Variants in CLEC12A observed in about 807,000 individuals in gnomAD.
The protein encoded by CLEC12A is C-type lectin domain family 12 member A, also known as C-type lectin protein CLL-1.
In CLEC12A, 22 loss-of-function variants were observed where a neutral mutation model predicts 26.5. The ratio of observed to expected loss-of-function variants is 0.83; its 90% CI spans 0.59 to 1.19. The LOEUF (loss-of-function observed/expected upper bound fraction) is 1.19, where lower values mean the gene tolerates loss of function less well. CLEC12A is among the 50% of genes most tolerant of loss of function. CLEC12A has a pLI of 0.00. For missense variants in CLEC12A, 353 were observed against 315.6 expected (o/e 1.12, Z -0.90); for synonymous variants, 119 against 101.9 (o/e 1.17, Z -1.01).
At chr12:10,001,670 T>G in the CLEC12A span, among the ~76,000 whole-genome samples, 1 of 152,190 alleles carries the variant, frequency 6.6e-6, no homozygotes, top group African/African-American at 2.4e-5. Context: ...CAGCAAAAAT[T>G]AAGCAGAGAA....
At chr12:9,994,820 CAT>C (rs147536119) in intron 4 of CLEC12A, among the ~76,000 whole-genome samples, 4,319 of 147,502 alleles carry the variant, frequency 0.029, 209 homozygotes, top group African/African-American at 0.098. Context: ...AACACACACA[CAT>C]GTGCATGCGC....
downstream of CLEC12A, chr12:9,998,362 G>A (rs2273987): frequency 0.085 from 137,703 of 1,612,340 alleles, 6,377 homozygotes; most frequent in East Asian, 0.16. Flanking sequence ...ACGCCACCAG[G>A]AGGAGGATGC....
At chr12:9,998,364 G>A, downstream of CLEC12A, 1 of 1,613,838 alleles carries the variant, frequency 6.2e-7, no homozygotes, top group Non-Finnish European at 8.5e-7. Flanking sequence ...GCCACCAGGA[G>A]GAGGATGCAG....
At chr12:9,998,090 T>A (rs1280988848), downstream of CLEC12A, among the ~76,000 whole-genome samples, 1 of 152,200 alleles carries the variant, frequency 6.6e-6, no homozygotes, top group East Asian at 1.9e-4. Context: ...GTTAAAATCT[T>A]AAAATCTTAT....
chr12:9,979,427 G>A lies in CLEC12A; in HGVS notation c.282G>A (p.Met94Ile), dbSNP rs947345737. The A allele has an allele frequency of 1.3e-5, 21 of 1,612,214 alleles. No homozygotes were observed. Among genetic ancestry groups the A allele is most frequent in the Non-Finnish European group, 1.7e-5 (20 of 1,178,908 alleles). Residue 94 changes from methionine to isoleucine, a missense_variant, in exon 3 of 6, where the codon ATG (methionine) becomes ATA (isoleucine). By Grantham distance (10) the Met-to-Ile change is conservative (BLOSUM62 1). Coordinates refer to ENST00000304361, the MANE Select transcript of CLEC12A (RefSeq NM_138337.6). Reference sequence around the variant, plus strand: ...AGAGAAATATTTCTCTACAACTGATGAGTAACATGAATATCTCCAACAAGA... The same window carrying A: ...AGAGAAATATTTCTCTACAACTGATAAGTAACATGAATATCTCCAACAAGA... ...ELQRNISLQL[M>I]SNMNISNKIR...
chr12:9,975,624 C>A (rs758426434), intron 1 of CLEC12A, among the ~76,000 whole-genome samples: 4 of 152,098 alleles, frequency 2.6e-5, no homozygotes, highest in Admixed American at 6.5e-5. Flanking sequence ...AAATTTGTGG[C>A]TTGACAATGA....
chr12:9,984,108 T>C (rs1410121826), intron 5 of CLEC12A: 2 of 236,206 alleles, frequency 8.5e-6, no homozygotes, highest in South Asian at 4.7e-5. Context: ...ATGATATATA[T>C]ATGTGTGTGT....
At chr12:9,980,329 T>C (rs749562535) in intron 3 of CLEC12A, among the ~76,000 whole-genome samples, 2 of 151,400 alleles carry the variant, frequency 1.3e-5, no homozygotes, top group Non-Finnish European at 2.9e-5. Context: ...TCCCAGCTAC[T>C]TGGGTGGCTG....
intron 5 of CLEC12A, chr12:9,984,256 T>C (rs1387496285): frequency 2.0e-5 from 3 of 152,544 alleles, no homozygotes; most frequent in Non-Finnish European, 1.5e-5. Flanking sequence ...TGAACTTATT[T>C]ACTGGTTGAT....
chr12:9,993,223 G>A (rs1263631513), intron 4 of CLEC12A: 12 of 1,612,352 alleles, frequency 7.4e-6, no homozygotes, highest in Non-Finnish European at 9.3e-6. Flanking sequence ...AAGGTAGGGT[G>A]CATTTTCCCA....
At chr12:9,970,653 C>T (rs1324918192), upstream of CLEC12A, among the ~76,000 whole-genome samples, 2 of 144,212 alleles carry the variant, frequency 1.4e-5, no homozygotes, top group East Asian at 4.2e-4. Flanking sequence ...TTCCCTCCCA[C>T]TTTTGATAGC....
chr12:9,992,910 G>T, intron 4 of CLEC12A: 1 of 422,056 alleles, frequency 2.4e-6, no homozygotes, highest in Non-Finnish European at 4.3e-6. Context: ...AGGACAAGAA[G>T]AAAGAAAATT....
At chr12:9,979,192 A>G in intron 2 of CLEC12A, 128 bp downstream of exon 2, 2 of 968,620 alleles carry the variant, frequency 2.1e-6, no homozygotes, top group East Asian at 5.1e-5. Context: ...GAGGACTTAC[A>G]ATGTGGAACT....
At chr12:9,977,073 T>A (rs1172603845) in intron 1 of CLEC12A, among the ~76,000 whole-genome samples, 2 of 152,210 alleles carry the variant, frequency 1.3e-5, no homozygotes, top group Non-Finnish European at 2.9e-5. Flanking sequence ...GAAAATGGAC[T>A]AATACACATG....
At chr12:9,965,127 C>T (rs1222896188) in intron 1 of CLEC12A, among the ~76,000 whole-genome samples, 1 of 152,106 alleles carries the variant, frequency 6.6e-6, no homozygotes, top group Non-Finnish European at 1.5e-5. Context: ...TTTTGGGCCT[C>T]TAAAAGTATT....
At chr12:9,968,742 A>G (rs1453087356), upstream of CLEC12A, among the ~76,000 whole-genome samples, 1 of 152,210 alleles carries the variant, frequency 6.6e-6, no homozygotes, top group Non-Finnish European at 1.5e-5. Context: ...TGTATCACTT[A>G]TGTTTAATAT....
chr12:9,995,163 A>G (rs377278554), exon 5 of CLEC12A: 13 of 1,612,928 alleles, frequency 8.1e-6, no homozygotes, highest in East Asian at 2.2e-5. Context: ...TAACCGAGCC[A>G]TCCTCCCACT....
intron 1 of CLEC12A, among the ~76,000 whole-genome samples, chr12:9,964,565 C>T (rs748393281): frequency 6.6e-6 from 1 of 152,118 alleles, no homozygotes. Flanking sequence ...TATCTATCCC[C>T]TCTGAGAGGG....
intron 4 of CLEC12A, chr12:9,992,068 G>C (rs1591845316): frequency 1.3e-5 from 2 of 152,034 alleles, no homozygotes; most frequent in African/African-American, 4.8e-5. Flanking sequence ...TTCGTAAATG[G>C]TAGCCACTAG....
Sources: allele counts gnomAD v4.1 joint callset (sites outside exome capture counted in the v4.1 genomes callset), GRCh38; gene constraint gnomAD v4.1.1; transcripts MANE v1.5; gene names NCBI Gene and HGNC (gene_info 2026-07-23, HGNC 2026-07-21).